CDH13: variants seen among roughly 807,000 people sequenced by gnomAD.
The protein encoded by CDH13 is cadherin 13, also known as cadherin-13.
Under a neutral mutation model 63.8 loss-of-function variants are expected in CDH13, and 24 were observed. That is an observed-to-expected ratio of 0.38 (90% CI 0.27 to 0.53). The LOEUF (loss-of-function observed/expected upper bound fraction) is 0.53, where lower values mean the gene tolerates loss of function less well. Ranked by LOEUF, CDH13 falls within the 20% of genes least tolerant of loss-of-function variation. CDH13 has a pLI of 0.85. For synonymous variants in CDH13, 503 were observed against 355.3 expected (o/e 1.42, Z -4.67); for missense variants, 1,049 against 903.1 (o/e 1.16, Z -2.07).
intron 2 of CDH13, among the ~76,000 whole-genome samples, chr16:82,894,965 G>A (rs2041204519): frequency 6.6e-6 from 1 of 152,150 alleles, no homozygotes; most frequent in African/African-American, 2.4e-5. Context: ...AGGTAGGGAA[G>A]GGGGATGATC....
chr16:83,602,643 T>C, intron 8 of CDH13, 49 bp downstream of exon 8: 1 of 1,595,494 alleles, frequency 6.3e-7, no homozygotes, highest in African/African-American at 1.3e-5. Context: ...ACAGCTACAA[T>C]TACTGATTGA....
intron 5 of CDH13, among the ~76,000 whole-genome samples, chr16:83,226,650 C>T (rs548706081): frequency 6.6e-6 from 1 of 152,190 alleles, no homozygotes; most frequent in Non-Finnish European, 1.5e-5. Context: ...CATTTTCTTT[C>T]CCAAGGTGCG....
At chr16:83,280,002 G>C (rs1198417542) in intron 5 of CDH13, among the ~76,000 whole-genome samples, 1 of 152,172 alleles carries the variant, frequency 6.6e-6, no homozygotes, top group Non-Finnish European at 1.5e-5. Context: ...CTTTTTGCTG[G>C]TAAAGAGTCT....
chr16:82,994,251 G>C (rs1420341604), intron 2 of CDH13, among the ~76,000 whole-genome samples: 10 of 152,120 alleles, frequency 6.6e-5, no homozygotes, highest in Non-Finnish European at 8.8e-5. Flanking sequence ...TCAGTTCTTG[G>C]ATGGGCCTCT....
chr16:83,213,875 A>G (rs577301919), intron 4 of CDH13, among the ~76,000 whole-genome samples: 2 of 152,178 alleles, frequency 1.3e-5, no homozygotes, highest in South Asian at 4.2e-4. Context: ...AGTGCTCTGT[A>G]GCTACCTAGA....
intron 1 of CDH13, among the ~76,000 whole-genome samples, chr16:82,776,888 C>T (rs1037975213): frequency 1.3e-5 from 2 of 152,178 alleles, no homozygotes; most frequent in Non-Finnish European, 2.9e-5. Flanking sequence ...CTGGTGGAAG[C>T]TAGACATTCA....
chr16:83,514,889 T>C, intron 7 of CDH13, among the ~76,000 whole-genome samples: 1 of 152,008 alleles, frequency 6.6e-6, no homozygotes, highest in East Asian at 1.9e-4. Flanking sequence ...ACTATTAGAG[T>C]AAATTTCTGT....
chr16:83,670,782 G>C lies in CDH13; in HGVS notation c.1102-8G>C, dbSNP rs2150856624. On this transcript the variant is annotated splice_polypyrimidine_tract_variant and splice_region_variant and intron_variant, in intron 8 of 13. Coordinates refer to ENST00000567109, the MANE Select transcript of CDH13 (RefSeq NM_001257.5). ...AATAGTGACCATTACCATCTGCTTT[G>C]TTTGCAGTTTCAAGCCACAGTCGAG... 1 of 1,613,744 alleles carries C rather than the reference G, an allele frequency of 6.2e-7. No homozygotes were observed. Among genetic ancestry groups the C allele is most frequent in the Non-Finnish European group, 8.5e-7 (1 of 1,179,718 alleles).
At chr16:83,675,871 A>C (rs1364809377) in intron 9 of CDH13, among the ~76,000 whole-genome samples, 1 of 152,248 alleles carries the variant, frequency 6.6e-6, no homozygotes, top group Non-Finnish European at 1.5e-5. Flanking sequence ...CTAGTGCTAG[A>C]GAAAAGCACA....
chr16:83,608,521 C>A (rs1908558365), intron 8 of CDH13, among the ~76,000 whole-genome samples: 1 of 152,030 alleles, frequency 6.6e-6, no homozygotes, highest in African/African-American at 2.4e-5. Flanking sequence ...ATTCTGTCAC[C>A]CAGGCTGGAG....
intron 10 of CDH13, among the ~76,000 whole-genome samples, chr16:83,713,265 C>G (rs1908339959): frequency 6.6e-6 from 1 of 152,182 alleles, no homozygotes; most frequent in Non-Finnish European, 1.5e-5. Flanking sequence ...GACAGTGTGC[C>G]AATCCAGCAC....
At position 82,871,968 on chromosome 16, in the gene CDH13, G is replaced by A. The variant is rs117554217; in HGVS notation, c.157+13495G>A. Among the ~76,000 whole-genome samples, 781 of 152,282 alleles carry A rather than the reference G, an allele frequency of 5.1e-3. 2 individuals carry two copies. The highest frequency in any genetic ancestry group is 8.9e-3 in the Non-Finnish European group (606 of 68,034). Reference sequence around the variant, plus strand: ...CCGTCCTTGGACCAACTTGGTTTACGTGCTTATCCCTAAGCCAGTTATTAT... The same window carrying A: ...CCGTCCTTGGACCAACTTGGTTTACATGCTTATCCCTAAGCCAGTTATTAT... On this transcript the variant is annotated intron_variant, in intron 2 of 13. Transcript: ENST00000567109.
intron 3 of CDH13, among the ~76,000 whole-genome samples, chr16:83,049,099 G>T (rs1165557317): frequency 2.0e-5 from 3 of 151,806 alleles, no homozygotes; most frequent in Non-Finnish European, 4.4e-5. Context: ...ATTTTATTGA[G>T]GTAAAATTTA....
chr16:83,450,050 A>C (rs1310600178), intron 6 of CDH13, among the ~76,000 whole-genome samples: 1 of 152,180 alleles, frequency 6.6e-6, no homozygotes, highest in Non-Finnish European at 1.5e-5. Context: ...CTGGGGTTGC[A>C]GAGTTCAATG....
chr16:83,133,208 A>T (rs1316342267), intron 4 of CDH13, among the ~76,000 whole-genome samples: 1 of 152,210 alleles, frequency 6.6e-6, no homozygotes, highest in Non-Finnish European at 1.5e-5. Flanking sequence ...ATTTTAATCT[A>T]TTTACAGATA....
At chr16:82,736,611 A>G (rs2033686680) in intron 1 of CDH13, among the ~76,000 whole-genome samples, 1 of 152,068 alleles carries the variant, frequency 6.6e-6, no homozygotes, top group African/African-American at 2.4e-5. Context: ...TTGTGATGGT[A>G]TTTTTTTCCT....
In CDH13 at chr16:83,314,622, G is replaced by T. The variant is rs139506736; in HGVS notation, c.637-30240G>T. On this transcript the variant is annotated intron_variant, in intron 5 of 13. Coordinates refer to ENST00000567109, the MANE Select transcript of CDH13 (RefSeq NM_001257.5). ...AGACAAGCCCACAACTTCATATGGG[G>T]CTCAGCTGAAGGTCAGCCATCTCTT... Among the ~76,000 whole-genome samples the T allele has an allele frequency of 3.9e-3, 599 of 152,236 alleles. 1 individual carries two copies. The highest frequency in any genetic ancestry group is 0.019 in the South Asian group (90 of 4,806).
intron 1 of CDH13, among the ~76,000 whole-genome samples, chr16:82,753,650 C>T (rs144012923): frequency 5.9e-5 from 9 of 152,288 alleles, no homozygotes; most frequent in African/African-American, 1.4e-4. Context: ...ATTCTAGTGC[C>T]AAATTGTAGG....
At chr16:82,779,831 G>A (rs1040344885) in intron 1 of CDH13, among the ~76,000 whole-genome samples, 2 of 150,524 alleles carry the variant, frequency 1.3e-5, no homozygotes, top group African/African-American at 4.8e-5. Flanking sequence ...TGAAGTAGAG[G>A]GAAAGGTGGG....
Sources: allele counts gnomAD v4.1 joint callset (sites outside exome capture counted in the v4.1 genomes callset), GRCh38; gene constraint gnomAD v4.1.1; transcripts MANE v1.5; gene names NCBI Gene and HGNC (gene_info 2026-07-23, HGNC 2026-07-21).